DNM3: variants seen among roughly 807,000 people sequenced by gnomAD.
DNM3 encodes dynamin 3.
Under a neutral mutation model 101.6 loss-of-function variants are expected in DNM3, and 47 were observed. The observed-to-expected ratio is 0.46, with a 90% CI of 0.37 to 0.59. The LOEUF (loss-of-function observed/expected upper bound fraction) is 0.59, where lower values mean the gene tolerates loss of function less well. Among genes scored for constraint, DNM3 ranks in the 20% least tolerant of loss-of-function variants. The probability of loss-of-function intolerance (pLI) is 0.00; values close to 1 mark genes in which losing one functional copy is unlikely to be tolerated. For missense variants in DNM3, 849 were observed against 1,085.7 expected (o/e 0.78, Z 3.06); for synonymous variants, 385 against 387.9 (o/e 0.99, Z 0.09).
intron 14 of DNM3, among the ~76,000 whole-genome samples, chr1:172,212,946 G>A (rs2060563745): frequency 6.6e-6 from 1 of 152,098 alleles, no homozygotes; most frequent in Admixed American, 6.5e-5. Context: ...TCGTCGTGTA[G>A]TCAAACATCT....
At chr1:172,069,018 G>C (rs765663338) in intron 11 of DNM3, 113 bp downstream of exon 11, 3 of 766,470 alleles carry the variant, frequency 3.9e-6, no homozygotes, top group Non-Finnish European at 4.3e-6. Flanking sequence ...AAAAAAAATA[G>C]TGGAACACAA....
intron 4 of DNM3, among the ~76,000 whole-genome samples, chr1:172,009,015 G>A (rs1205643343): frequency 1.5e-5 from 2 of 129,620 alleles, no homozygotes; most frequent in Middle Eastern, 4.3e-3. Flanking sequence ...TAACATGCAT[G>A]TACTTATTTA....
intron 14 of DNM3, among the ~76,000 whole-genome samples, chr1:172,133,547 G>A (rs139639585): frequency 1.6e-4 from 25 of 152,186 alleles, no homozygotes; most frequent in African/African-American, 5.3e-4. Context: ...CATCCATTTA[G>A]ATCATTTTAA....
chr1:172,038,241 CT>C, intron 6 of DNM3, 77 bp from the exon 7 acceptor site: 1 of 1,543,588 alleles, frequency 6.5e-7, no homozygotes, highest in Non-Finnish European at 8.8e-7. Flanking sequence ...GGAGGCGGAT[CT>C]TTGTCTCATG....
intron 15 of DNM3, among the ~76,000 whole-genome samples, chr1:172,254,458 A>C (rs1439442807): frequency 6.6e-6 from 1 of 152,152 alleles, no homozygotes; most frequent in East Asian, 1.9e-4. Context: ...ACAGTTTTTC[A>C]AAGTGCTCTC....
At chr1:172,057,049 A>C in intron 10 of DNM3, among the ~76,000 whole-genome samples, 1 of 152,152 alleles carries the variant, frequency 6.6e-6, no homozygotes, top group East Asian at 1.9e-4. Flanking sequence ...TGAAGAATTC[A>C]GAAGCCTCAG....
At chr1:172,407,676 G>C in intron 20 of DNM3, 96 bp from the exon 21 acceptor site, 1 of 1,245,626 alleles carries the variant, frequency 8.0e-7, no homozygotes, top group South Asian at 1.2e-5. Context: ...GTATGTGCAT[G>C]AGCATGTGTG....
At chr1:171,852,707 C>T (rs1571249125) in intron 1 of DNM3, among the ~76,000 whole-genome samples, 1 of 152,168 alleles carries the variant, frequency 6.6e-6, no homozygotes, top group Non-Finnish European at 1.5e-5. Flanking sequence ...GGCAGATAGA[C>T]TTAAACTTAA....
intron 2 of DNM3, among the ~76,000 whole-genome samples, chr1:171,948,529 A>C (rs2042304782): frequency 1.3e-5 from 2 of 152,222 alleles, no homozygotes; most frequent in Non-Finnish European, 2.9e-5. Flanking sequence ...TATATAGATA[A>C]GCTTACACCT....
intron 14 of DNM3, among the ~76,000 whole-genome samples, chr1:172,162,864 T>A (rs1478975258): frequency 6.6e-5 from 10 of 152,230 alleles, no homozygotes; most frequent in African/African-American, 1.9e-4. Flanking sequence ...GAATAATATA[T>A]GCAAAAGATA....
intron 4 of DNM3, among the ~76,000 whole-genome samples, chr1:172,015,965 C>G (rs1251236205): frequency 6.7e-6 from 1 of 150,348 alleles, no homozygotes; most frequent in Non-Finnish European, 1.5e-5. Context: ...CACCTGAGGT[C>G]AGGAGTTTGA....
intron 20 of DNM3, among the ~76,000 whole-genome samples, chr1:172,398,329 C>T (rs1439400480): frequency 6.6e-6 from 1 of 152,184 alleles, no homozygotes; most frequent in Admixed American, 6.5e-5. Flanking sequence ...TGCCTGCTAG[C>T]TGTGTTTGGC....
rs193161803 is a variant in DNM3 at position 172,028,881 on chromosome 1, G to A, written c.590-3521G>A. On this transcript the variant is annotated intron_variant, in intron 4 of 20. Coordinates refer to ENST00000627582, the MANE Select transcript of DNM3 (RefSeq NM_015569.5). ...CAGGAAGAAGTTGAATCCCTGAATA[G>A]ACCAATAGCAAGTCTGAAATTGAGG... 1.3e-3 allele frequency among the ~76,000 whole-genome samples: 191 copies of A among 152,192 alleles called. 2 individuals are homozygous for A. Among genetic ancestry groups the A allele is most frequent in the Non-Finnish European group, 7.6e-4 (52 of 67,996 alleles).
intron 14 of DNM3, among the ~76,000 whole-genome samples, chr1:172,225,743 C>A (rs2061092911): frequency 6.6e-6 from 1 of 151,902 alleles, no homozygotes; most frequent in Non-Finnish European, 1.5e-5. Context: ...CAGAGAAAGA[C>A]CCTGTCCCAA....
chr1:171,954,382 T>C (rs983960975), intron 2 of DNM3, among the ~76,000 whole-genome samples: 1 of 152,180 alleles, frequency 6.6e-6, no homozygotes, highest in Non-Finnish European at 1.5e-5. Flanking sequence ...TCGTCCAAAT[T>C]CCTGGGGGAA....
intron 14 of DNM3, among the ~76,000 whole-genome samples, chr1:172,146,396 A>G (rs1437752056): frequency 6.6e-6 from 1 of 152,132 alleles, no homozygotes; most frequent in Non-Finnish European, 1.5e-5. Context: ...GCATCTTAGG[A>G]TGGAACAGAG....
chr1:172,017,315 T>C (rs1056232884), intron 4 of DNM3, among the ~76,000 whole-genome samples: 1 of 152,142 alleles, frequency 6.6e-6, no homozygotes, highest in East Asian at 1.9e-4. Context: ...TAGATGTTTC[T>C]TTTTTTCTAA....
At position 172,411,733 on chromosome 1, in the gene DNM3, TA is replaced by T. The variant is rs2071218950; in HGVS notation, c.*3893del. 1 of 985,276 alleles carries T rather than the reference TA, an allele frequency of 1.0e-6. No individual in the cohort carries two copies. Among genetic ancestry groups the T allele is most frequent in the African/African-American group, 1.7e-5 (1 of 57,350 alleles). 61.0% of individuals were successfully genotyped at this position (985,276 alleles called of 1,614,324 possible). On this transcript the variant is annotated 3_prime_UTR_variant, in exon 21 of 21. Coordinates refer to ENST00000627582, the MANE Select transcript of DNM3 (RefSeq NM_015569.5). ...TCTCCTCAGAATGAAGAATAAAGCC[TA>T]CTAGGTCTCTAACTGTTGAACTCAT...
At chr1:171,874,820 T>C (rs886896610) in intron 1 of DNM3, among the ~76,000 whole-genome samples, 1 of 151,110 alleles carries the variant, frequency 6.6e-6, no homozygotes, top group African/African-American at 2.4e-5. Context: ...CCTTCTCCCT[T>C]CCTTTACTTC....
Sources: allele counts gnomAD v4.1 joint callset (sites outside exome capture counted in the v4.1 genomes callset), GRCh38; gene constraint gnomAD v4.1.1; transcripts MANE v1.5; gene names NCBI Gene and HGNC (gene_info 2026-07-23, HGNC 2026-07-21).